KCNG2: variants seen among roughly 807,000 people sequenced by gnomAD.
KCNG2 encodes potassium voltage-gated channel modifier subfamily G member 2.
KCNG2 carries 7 observed loss-of-function variants against 12.3 expected under a neutral mutation model. That is an observed-to-expected ratio of 0.57 (90% confidence interval 0.32 to 1.07). The LOEUF (loss-of-function observed/expected upper bound fraction) is 1.07. Among genes scored for constraint, KCNG2 ranks in the 50% least tolerant of loss-of-function variants. The pLI is 0.04. For missense variants in KCNG2, 703 were observed against 726.0 expected, an observed-to-expected ratio of 0.97 and a Z score of 0.36; for synonymous variants, 414 against 351.4, an observed-to-expected ratio of 1.18 and a Z score of -1.99.
Position 79,868,225 on chromosome 18 carries a change from C to T in KCNG2, c.624+3934C>T, listed in dbSNP as rs915342989. On this transcript the variant is annotated intron_variant, in intron 3 of 3. Transcript: ENST00000316249. ...TGGACCCCAAAACCCCAGATCCTCTCAGGGACAACCCTGGGCTCCGTGGCA... is the reference window on the plus strand; with the variant it reads ...TGGACCCCAAAACCCCAGATCCTCTTAGGGACAACCCTGGGCTCCGTGGCA... Among the ~76,000 whole-genome samples the T allele has an allele frequency of 4.6e-5, 7 of 152,262 alleles. No homozygotes were observed. The East Asian group carries it at 1.3e-3, about 29-fold the overall frequency.
chr18:79,868,366 G>A (rs1424667184), intron 3 of KCNG2, among the ~76,000 whole-genome samples: 2 of 152,120 alleles, frequency 1.3e-5, no homozygotes, highest in South Asian at 2.1e-4. Flanking sequence ...AGAAGCAGTC[G>A]CCCTCCGCGT....
chr18:79,832,764 TG>T (rs1376279225), intron 1 of KCNG2, among the ~76,000 whole-genome samples: 1 of 152,234 alleles, frequency 6.6e-6, no homozygotes, highest in African/African-American at 2.4e-5. Context: ...GACTCCTCTT[TG>T]CACAGTGCTA....
chr18:79,868,022 G>C (rs1021190088), intron 3 of KCNG2, among the ~76,000 whole-genome samples: 1 of 152,200 alleles, frequency 6.6e-6, no homozygotes, highest in Non-Finnish European at 1.5e-5. Flanking sequence ...GCCTTCCCCC[G>C]TCGTCCCCAT....
intron 1 of KCNG2, among the ~76,000 whole-genome samples, chr18:79,806,808 C>T (rs1046259516): frequency 8.5e-5 from 13 of 152,122 alleles, no homozygotes; most frequent in African/African-American, 3.1e-4. Context: ...CAAAACCACT[C>T]CACGCAAAAT....
At chr18:79,802,246 C>T (rs951732630) in intron 1 of KCNG2, among the ~76,000 whole-genome samples, 5 of 152,232 alleles carry the variant, frequency 3.3e-5, no homozygotes, top group African/African-American at 4.8e-5. Context: ...CTTTTCTCTA[C>T]GGTTTAGAAA....
In KCNG2 at chr18:79,863,838, CGT is replaced by C. The variant is rs1979328397; in HGVS notation, c.177_178del (p.Cys59Ter). ...GCCGCGGCCACGACGACCTGCTGCG[CGT>C]GTGTGACGACTACGACGTGAGCCGC... ...ACRGHDDLLR[V>X]CDDYDVSRDE... On this transcript the variant is annotated frameshift_variant, in exon 3 of 4. Coordinates refer to ENST00000316249, the MANE Select transcript of KCNG2 (RefSeq NM_012283.2). LOFTEE classifies it high-confidence loss of function. 2.1e-6 allele frequency: 3 copies of C among 1,447,730 alleles called. No individual in the cohort carries two copies. Among genetic ancestry groups the C allele is most frequent in the Non-Finnish European group, 9.1e-7 (1 of 1,096,272 alleles). 89.7% of individuals were successfully genotyped at this position (1,447,730 alleles called of 1,614,324 possible).
rs562140488 is a variant in KCNG2, at chr18:79,831,805, C to T, written c.-114-24574C>T. 2.0e-5 allele frequency among the ~76,000 whole-genome samples: 3 copies of T among 152,330 alleles called. No individual in the cohort carries two copies. The South Asian group carries it at 6.2e-4, about 32-fold the overall frequency. ...ACAGAGCCTTTGTTAGGAGGAGAGC[C>T]TCCTTCAGGATGTGCCGTCCTCCCA... On this transcript the variant is annotated intron_variant, in intron 1 of 3. Coordinates refer to ENST00000316249, the MANE Select transcript of KCNG2 (RefSeq NM_012283.2).
rs77365428 is a variant in KCNG2 at position 79,811,743 on chromosome 18, G to A, written c.-115+13729G>A. 2.5e-3 allele frequency among the ~76,000 whole-genome samples: 381 copies of A among 152,126 alleles called. 14 individuals are homozygous for A. In the East Asian group the frequency reaches 0.046, roughly 19 times the overall value. On this transcript the variant is annotated intron_variant, in intron 1 of 3. Transcript: ENST00000316249. Reference sequence around the variant, plus strand: ...CATGTATTTTCCTGAAACAAATGAAGGAATAGAAAATCTTAGCAAAGAAAT... The same window carrying A: ...CATGTATTTTCCTGAAACAAATGAAAGAATAGAAAATCTTAGCAAAGAAAT...
Position 79,900,090 on chromosome 18 carries a change from A to G in KCNG2, c.*274A>G, listed in dbSNP as rs977330584. 4 of 331,200 alleles carry G rather than the reference A, an allele frequency of 1.2e-5. No individual in the cohort carries two copies. Among genetic ancestry groups the G allele is most frequent in the Non-Finnish European group, 2.2e-5 (4 of 183,208 alleles). 20.5% of individuals were successfully genotyped at this position (331,200 alleles called of 1,614,324 possible). A position where few individuals can be genotyped will look rare whatever the true frequency, so the allele number is the denominator to read the frequency against. ...CGCCTAGCTAAAAATAAATTTAGTA[A>G]GTCCGAGAGATTCCACGCCTGCTGT... is the stretch of plus-strand genomic sequence containing the variant. On this transcript the variant is annotated 3_prime_UTR_variant, in exon 4 of 4. Transcript: ENST00000316249.
intron 3 of KCNG2, among the ~76,000 whole-genome samples, chr18:79,898,835 C>T (rs1233443941): frequency 6.6e-6 from 1 of 152,242 alleles, no homozygotes; most frequent in Non-Finnish European, 1.5e-5. Flanking sequence ...CTCTCAAGCC[C>T]GAAGTGATCA....
rs1980425471 is a variant in KCNG2, at chr18:79,884,095, C to A, written c.625-14945C>A. ...TGCCTCCCGGAGGCTGGGCCCTCTT[C>A]TCCCACCAGCCTCCCGCCTGCAATT... is the stretch of plus-strand genomic sequence containing the variant. On this transcript the variant is annotated intron_variant, in intron 3 of 3. Coordinates refer to ENST00000316249, the MANE Select transcript of KCNG2 (RefSeq NM_012283.2). This position sits in a 1 kb window ranked among gnomAD's most constrained non-coding sequence, Gnocchi z 5.5. 1.3e-5 allele frequency among the ~76,000 whole-genome samples: 2 copies of A among 151,982 alleles called. No homozygotes were observed. The highest frequency in any genetic ancestry group is 4.8e-5 in the African/African-American group (2 of 41,372).
intron 1 of KCNG2, among the ~76,000 whole-genome samples, chr18:79,853,533 TG>T: frequency 6.6e-6 from 1 of 151,662 alleles, no homozygotes; most frequent in Non-Finnish European, 1.5e-5. Flanking sequence ...GAGCAGAGGG[TG>T]GTGTGCAGTG....
chr18:79,799,944 G>A (rs2087394450), intron 1 of KCNG2, among the ~76,000 whole-genome samples: 2 of 152,212 alleles, frequency 1.3e-5, no homozygotes, highest in African/African-American at 2.4e-5. Context: ...AAACGATAGC[G>A]TGCTGGGTTT....
intron 1 of KCNG2, among the ~76,000 whole-genome samples, chr18:79,818,178 G>A (rs1410586390): frequency 3.3e-5 from 5 of 152,228 alleles, no homozygotes; most frequent in Non-Finnish European, 7.3e-5. Flanking sequence ...GTGGCCACCC[G>A]GGAGAGGCAA....
chr18:79,891,861 A>G lies in KCNG2; in HGVS notation c.625-7179A>G, dbSNP rs188112673. Among the ~76,000 whole-genome samples the G allele has an allele frequency of 9.6e-4, 146 of 152,278 alleles. 5 individuals are homozygous for G. In the East Asian group the frequency reaches 0.02, roughly 21 times the overall value. On this transcript the variant is annotated intron_variant, in intron 3 of 3. Transcript: ENST00000316249. ...ATTGAGTTGTCCGGTGCCATGTTCT[A>G]CGGATGTCTGTGAGGTCCATTTGGC...
At chr18:79,868,832 T>C (rs12962619) in intron 3 of KCNG2, among the ~76,000 whole-genome samples, 69,704 of 152,176 alleles carry the variant, frequency 0.46, 18,496 homozygotes, top group Middle Eastern at 0.6. Flanking sequence ...CCAGGCCAGC[T>C]GCTGAGGGAC....
Position 79,863,814 on chromosome 18 carries a change from C to A in KCNG2, c.147C>A (p.Cys49Ter), listed in dbSNP as rs1235196413. The change falls in exon 3 of 4, where the codon TGC becomes TGA. Residue 49 changes from cysteine to a stop codon, truncating the protein, a stop_gained. Coordinates refer to ENST00000316249, the MANE Select transcript of KCNG2 (RefSeq NM_012283.2). LOFTEE classifies it high-confidence loss of function. ...PLARLERLRA[C>*]RGHDDLLRVC... ...CGCGCCTGGAGCGCCTGCGCGCCTG[C>A]CGCGGCCACGACGACCTGCTGCGCG... The A allele has an allele frequency of 7.4e-7, 1 of 1,350,894 alleles. No individual in the cohort carries two copies. 83.7% of individuals were successfully genotyped at this position (1,350,894 alleles called of 1,614,324 possible). A position where few individuals can be genotyped will look rare whatever the true frequency, so the allele number is the denominator to read the frequency against.
chr18:79,855,822 TTGATC>T (rs1350761917), intron 1 of KCNG2, among the ~76,000 whole-genome samples: 3 of 152,200 alleles, frequency 2.0e-5, no homozygotes, highest in African/African-American at 4.8e-5. Context: ...GTCAAACTGG[TTGATC>T]TAGTCTAATA....
Position 79,830,337 on chromosome 18 carries a change from C to T in KCNG2, c.-114-26042C>T, listed in dbSNP as rs149963563. Among the ~76,000 whole-genome samples the T allele has an allele frequency of 7.7e-4, 117 of 152,338 alleles. 1 individual carries two copies. The East Asian group carries it at 0.015, about 20-fold the overall frequency. On this transcript the variant is annotated intron_variant, in intron 1 of 3. Coordinates refer to ENST00000316249, the MANE Select transcript of KCNG2 (RefSeq NM_012283.2). The stretch of plus-strand genomic sequence containing the variant: ...CACCATTTGAAAGGGGCGCCTGTGA[C>T]GAGCCCCACACCAGACAGCCCGGTG...
Sources: gnomAD v4.1 joint callset for allele counts (sites outside exome capture counted in the v4.1 genomes callset) on GRCh38, gnomAD v4.1.1 for gene constraint, Gnocchi (gnomAD v3.1) non-coding constraint, MANE v1.5 for transcripts, NCBI Gene and HGNC (gene_info 2026-07-23, HGNC 2026-07-21) for gene names.